Variants in CD34 observed in about 807,000 individuals in gnomAD.
CD34 encodes CD34 molecule.
CD34 carries 34 observed loss-of-function variants against 40.1 expected under a neutral mutation model. The ratio of observed to expected loss-of-function variants is 0.85; its 90% CI spans 0.65 to 1.13. The LOEUF (loss-of-function observed/expected upper bound fraction) is 1.13, where lower values mean the gene tolerates loss of function less well. CD34 is among the 50% of genes most tolerant of loss of function. The pLI, the probability that CD34 is intolerant of heterozygous loss-of-function variation, is 0.00. For synonymous variants in CD34, 209 were observed against 190.0 expected (o/e 1.10, Z -0.82); for missense variants, 426 against 466.9 (o/e 0.91, Z 0.81).
chr1:207,905,855 T>C (rs986679348), intron 1 of CD34, among the ~76,000 whole-genome samples: 7 of 152,204 alleles, frequency 4.6e-5, no homozygotes, highest in Non-Finnish European at 8.8e-5. Context: ...GAAACACAAA[T>C]TCATGCTTAG....
chr1:207,888,109 G>T (rs752261501), intron 7 of CD34, 186 bp from the exon 8 acceptor site: 7 of 1,613,846 alleles, frequency 4.3e-6, no homozygotes, highest in African/African-American at 1.3e-5. Flanking sequence ...AGTGGTCAGG[G>T]TTCCAGCTCC....
chr1:207,892,573 A>C (rs1662060930), intron 4 of CD34, among the ~76,000 whole-genome samples: 1 of 151,898 alleles, frequency 6.6e-6, no homozygotes. Context: ...GCAACAGAGC[A>C]AGACTCTGTC....
intron 1 of CD34, among the ~76,000 whole-genome samples, chr1:207,908,408 C>T (rs1662432087): frequency 1.3e-5 from 2 of 152,254 alleles, no homozygotes; most frequent in South Asian, 2.1e-4. Context: ...CAAGCCTGCT[C>T]CTCCTCTGTC....
At chr1:207,900,146 G>C in intron 1 of CD34, 143 bp from the exon 2 acceptor site, 1 of 622,284 alleles carries the variant, frequency 1.6e-6, no homozygotes, top group Non-Finnish European at 2.7e-6. Context: ...ACATACTCCT[G>C]GACAGTGGAT....
chr1:207,895,776 G>A (rs1662138290), intron 4 of CD34, among the ~76,000 whole-genome samples: 1 of 152,170 alleles, frequency 6.6e-6, no homozygotes, highest in Admixed American at 6.5e-5. Context: ...CAAAATGTAT[G>A]CTCCACCAAG....
chr1:207,895,415 C>T (rs1662131321), intron 4 of CD34, among the ~76,000 whole-genome samples: 1 of 152,130 alleles, frequency 6.6e-6, no homozygotes, highest in African/African-American at 2.4e-5. Flanking sequence ...TATGAGCTGC[C>T]ACAGAGTTGC....
At chr1:207,893,813 G>C (rs1034395492) in intron 4 of CD34, among the ~76,000 whole-genome samples, 1 of 152,202 alleles carries the variant, frequency 6.6e-6, no homozygotes, top group African/African-American at 2.4e-5. Context: ...ACAAACACAT[G>C]AAAGAGGCTC....
rs1015499529 is a variant in CD34 at position 207,882,892 on chromosome 1, A to G, written c.*4846T>C. On this transcript the variant is annotated 3_prime_UTR_variant, in exon 8 of 8. Coordinates refer to ENST00000310833, the MANE Select transcript of CD34 (RefSeq NM_001025109.2). ...CCTCCCACTCAGAGCTTCCTATACC[A>G]TAGCACTTACACTCAATGCATATTG... 74 of 152,224 alleles carry G rather than the reference A, an allele frequency of 4.9e-4. No homozygotes were observed. The highest frequency in any genetic ancestry group is 1.7e-3 in the African/African-American group (71 of 41,500). 9.4% of individuals were successfully genotyped at this position (152,224 alleles called of 1,614,324 possible).
intron 4 of CD34, among the ~76,000 whole-genome samples, chr1:207,893,806 A>G (rs1399168816): frequency 6.6e-6 from 1 of 152,242 alleles, no homozygotes; most frequent in Admixed American, 6.5e-5. Flanking sequence ...ATGGCCAACA[A>G]ACACATGAAA....
chr1:207,906,963 C>T lies in CD34; in HGVS notation c.79+4039G>A, dbSNP rs552784830. On this transcript the variant is annotated intron_variant, in intron 1 of 7. Transcript: ENST00000310833. ...GCACCTACATTTCTCCCTGTCACCT[C>T]TTCCTCCATTTTACCAGCACCACAG... Among the ~76,000 whole-genome samples, 3 of 152,308 alleles carry T rather than the reference C, an allele frequency of 2.0e-5. No individual in the cohort carries two copies. The South Asian group carries it at 6.2e-4, about 32-fold the overall frequency.
chr1:207,897,873 G>A (rs1662182967), intron 3 of CD34, among the ~76,000 whole-genome samples: 1 of 152,138 alleles, frequency 6.6e-6, no homozygotes, highest in Admixed American at 6.6e-5. Context: ...TGGGAGAGGG[G>A]AGGATCTTTT....
chr1:207,890,000 A>G, intron 4 of CD34: 1 of 1,416,418 alleles, frequency 7.1e-7, no homozygotes, highest in Non-Finnish European at 9.1e-7. Flanking sequence ...TTTCAAGATT[A>G]CAGCAGTCCC....
intron 1 of CD34, 89 bp downstream of exon 1, chr1:207,910,913 G>C: frequency 7.6e-7 from 1 of 1,320,888 alleles, no homozygotes. Flanking sequence ...TTCCCTCCGT[G>C]AGACTCTGCT....
Position 207,887,697 on chromosome 1 carries a change from G to C in CD34, c.*41C>G. 1 of 1,611,316 alleles carries C rather than the reference G, an allele frequency of 6.2e-7. No homozygotes were observed. Among genetic ancestry groups the C allele is most frequent in the Admixed American group, 1.7e-5 (1 of 59,928 alleles). On this transcript the variant is annotated 3_prime_UTR_variant, in exon 8 of 8. Coordinates refer to ENST00000310833, the MANE Select transcript of CD34 (RefSeq NM_001025109.2). ...CACGTGGTCAGATGCAGAGAGGGGT[G>C]CTCTCTCGGACACTGCCCAGCCTTG...
chr1:207,902,067 C>A (rs1372854111), intron 1 of CD34, among the ~76,000 whole-genome samples: 2 of 152,230 alleles, frequency 1.3e-5, no homozygotes, highest in Non-Finnish European at 2.9e-5. Flanking sequence ...GGGTTTCACT[C>A]TCTCATATCT....
chr1:207,909,301 G>C (rs968467321), intron 1 of CD34, among the ~76,000 whole-genome samples: 3 of 152,108 alleles, frequency 2.0e-5, no homozygotes, highest in Admixed American at 1.3e-4. Context: ...GACCTCATTC[G>C]GCTGAGGACC....
At chr1:207,906,611 G>A (rs1225013400) in intron 1 of CD34, among the ~76,000 whole-genome samples, 3 of 152,148 alleles carry the variant, frequency 2.0e-5, no homozygotes, top group Non-Finnish European at 4.4e-5. Context: ...TTGGGAGGCC[G>A]ATGTGGGTGG....
intron 1 of CD34, among the ~76,000 whole-genome samples, chr1:207,902,594 C>A (rs894670706): frequency 3.9e-5 from 6 of 152,192 alleles, no homozygotes; most frequent in Admixed American, 6.5e-5. Flanking sequence ...TGCCTGCTCT[C>A]TTCCTCTTCG....
intron 1 of CD34, among the ~76,000 whole-genome samples, chr1:207,905,487 T>C (rs918451995): frequency 1.4e-4 from 21 of 152,166 alleles, no homozygotes; most frequent in African/African-American, 4.3e-4. Flanking sequence ...AGACCATCCA[T>C]CAGAAACCAT....
Sources: gnomAD v4.1 joint callset for allele counts (sites outside exome capture counted in the v4.1 genomes callset) on GRCh38, gnomAD v4.1.1 for gene constraint, MANE v1.5 for transcripts, NCBI Gene and HGNC (gene_info 2026-07-23, HGNC 2026-07-21) for gene names.